Variants in RTTN observed in about 807,000 individuals in gnomAD.
RTTN encodes rotatin.
Under a neutral mutation model 269.2 loss-of-function variants are expected in RTTN, and 182 were observed. The observed-to-expected ratio is 0.68, with a 90% confidence interval of 0.60 to 0.76. The LOEUF is 0.76. RTTN is among the 30% of genes least tolerant of loss of function. The probability of loss-of-function intolerance (pLI) is 0.00; values close to 1 mark genes in which losing one functional copy is unlikely to be tolerated. For synonymous variants in RTTN, 1,006 were observed against 963.5 expected (o/e 1.04, Z -0.82); for missense variants, 2,545 against 2,608.6 (o/e 0.98, Z 0.53).
At chr18:70,038,078 C>T (rs1055833741) in intron 40 of RTTN, among the ~76,000 whole-genome samples, 1 of 152,168 alleles carries the variant, frequency 6.6e-6, no homozygotes, top group Non-Finnish European at 1.5e-5. Context: ...GGTTTGAGTG[C>T]CAGGTTAGTC....
At chr18:70,131,066 C>G (rs894943014) in intron 23 of RTTN, 1 of 149,746 alleles carries the variant, frequency 6.7e-6, no homozygotes, top group Non-Finnish European at 1.5e-5. Context: ...AATGTTCCTA[C>G]AAAAAAATGG....
At chr18:70,180,740 C>T (rs552809408) in intron 10 of RTTN, among the ~76,000 whole-genome samples, 1 of 152,130 alleles carries the variant, frequency 6.6e-6, no homozygotes, top group African/African-American at 2.4e-5. Flanking sequence ...ATGGAGTTTG[C>T]AGGGTCATGA....
At chr18:70,100,628 T>C (rs1177976758) in intron 28 of RTTN, among the ~76,000 whole-genome samples, 1 of 152,176 alleles carries the variant, frequency 6.6e-6, no homozygotes, top group Non-Finnish European at 1.5e-5. Context: ...ATAGGAGTGG[T>C]GAGAGAGGGC....
At chr18:70,012,909 A>G (rs1033171550) in intron 46 of RTTN, among the ~76,000 whole-genome samples, 3 of 152,214 alleles carry the variant, frequency 2.0e-5, no homozygotes, top group Non-Finnish European at 4.4e-5. Flanking sequence ...AATTTTGTCT[A>G]CATAATTCAA....
rs1177150404 is a variant in RTTN at position 70,073,932 on chromosome 18, T to C, written c.4627A>G (p.Ser1543Gly). 3.7e-6 allele frequency: 6 copies of C among 1,611,628 alleles called. No individual in the cohort carries two copies. The African/African-American group carries it at 4.0e-5, about 11-fold the overall frequency. ...GTTGTTTCTGAGGTGGAGAGAGAAC[T>C]TGGATCTCGATCCTGACTTGTCCTA... ...PSRTSQDRDP[S>G]SLSTSETTVA... The change falls in exon 34 of 49, where the codon AGT becomes GGT. Residue 1543 changes from serine to glycine, a missense_variant. Coordinates refer to ENST00000640769, the MANE Select transcript of RTTN (RefSeq NM_173630.4).
chr18:70,055,994 C>G (rs1205751877), intron 37 of RTTN, among the ~76,000 whole-genome samples: 1 of 152,202 alleles, frequency 6.6e-6, no homozygotes, highest in African/African-American at 2.4e-5. Flanking sequence ...CTTCAGGAGG[C>G]CCCTCCCCTT....
chr18:70,028,165 A>C (rs981346816), intron 43 of RTTN, among the ~76,000 whole-genome samples: 1 of 152,240 alleles, frequency 6.6e-6, no homozygotes, highest in Non-Finnish European at 1.5e-5. Context: ...CCTCTATAGT[A>C]GTACTGATAC....
At chr18:70,144,062 T>C (rs939768789) in intron 18 of RTTN, among the ~76,000 whole-genome samples, 1 of 152,046 alleles carries the variant, frequency 6.6e-6, no homozygotes, top group African/African-American at 2.4e-5. Context: ...GGTTTCACCA[T>C]ATTGCCTAGG....
chr18:70,114,741 A>T (rs1022220934), intron 26 of RTTN, 142 bp from the exon 27 acceptor site: 1 of 474,520 alleles, frequency 2.1e-6, no homozygotes, highest in African/African-American at 2.0e-5. Context: ...ATTAGTAGAG[A>T]TGTTCTAAAT....
At chr18:70,116,658 C>T (rs2059609030) in intron 26 of RTTN, among the ~76,000 whole-genome samples, 1 of 152,082 alleles carries the variant, frequency 6.6e-6, no homozygotes, top group Non-Finnish European at 1.5e-5. Context: ...TATTTTGTCA[C>T]TGTTGACCTC....
intron 10 of RTTN, among the ~76,000 whole-genome samples, chr18:70,178,507 C>A (rs2061353537): frequency 6.6e-6 from 1 of 151,930 alleles, no homozygotes; most frequent in Admixed American, 6.6e-5. Flanking sequence ...AATGTCACTG[C>A]AGAAGTAAAA....
chr18:70,163,087 A>AAC (rs2060888113), intron 14 of RTTN, among the ~76,000 whole-genome samples: 1 of 146,680 alleles, frequency 6.8e-6, no homozygotes, highest in South Asian at 2.2e-4. Flanking sequence ...AAAAAAAAAA[A>AAC]AAAAAAAAAA....
chr18:70,167,511 CAGG>C (rs2061020225), intron 12 of RTTN, among the ~76,000 whole-genome samples: 1 of 152,092 alleles, frequency 6.6e-6, no homozygotes, highest in African/African-American at 2.4e-5. Context: ...CACTTGAGGT[CAGG>C]AGTTCAAGAC....
At chr18:70,194,043 A>C (rs1410195320) in intron 7 of RTTN, 1 of 152,244 alleles carries the variant, frequency 6.6e-6, no homozygotes, top group Non-Finnish European at 1.5e-5. Context: ...ATATCTGATA[A>C]GGGTTTAATT....
intron 10 of RTTN, among the ~76,000 whole-genome samples, chr18:70,180,113 C>T (rs1013814442): frequency 4.0e-5 from 6 of 148,816 alleles, no homozygotes; most frequent in Admixed American, 6.6e-5. Context: ...TCTCACGCTC[C>T]GCCAGATTAA....
At chr18:70,177,037 C>G (rs2061320326) in intron 10 of RTTN, among the ~76,000 whole-genome samples, 192 bp from the exon 11 acceptor site, 1 of 152,084 alleles carries the variant, frequency 6.6e-6, no homozygotes, top group Non-Finnish European at 1.5e-5. Flanking sequence ...GAATGATAAA[C>G]CACCTACATT....
intron 46 of RTTN, chr18:70,008,633 C>T (rs1488612123): frequency 1.3e-5 from 2 of 150,068 alleles, no homozygotes; most frequent in African/African-American, 2.5e-5. Flanking sequence ...ATAGCGAAAT[C>T]GATCAAGCAG....
At position 70,109,701 on chromosome 18, in the gene RTTN, G is replaced by C. The variant is rs1568396464; in HGVS notation, c.3700C>G (p.Leu1234Val). 1.2e-6 allele frequency: 2 copies of C among 1,613,998 alleles called. No homozygotes were observed. The highest frequency in any genetic ancestry group is 2.2e-5 in the East Asian group (1 of 44,872). ...EVTDRKCSEL[L>V]YVFQTQLALK... is the part of the protein sequence containing the mutation. ...GCCAGCTGCGTTTGAAAAACGTAAAGAAGTTCCGAGCATTTCCTATGTATG... is the reference window on the plus strand; with the variant it reads ...GCCAGCTGCGTTTGAAAAACGTAAACAAGTTCCGAGCATTTCCTATGTATG... Residue 1234 changes from leucine to valine, a missense_variant, in exon 28 of 49, where the codon CTT becomes GTT. Coordinates refer to ENST00000640769, the MANE Select transcript of RTTN (RefSeq NM_173630.4).
chr18:70,008,108 G>A (rs1287386946), intron 46 of RTTN: 4 of 152,638 alleles, frequency 2.6e-5, no homozygotes, highest in African/African-American at 9.7e-5. Context: ...GTGATACCCA[G>A]GCAAACAGGG....
Sources: gnomAD v4.1 joint callset for allele counts (sites outside exome capture counted in the v4.1 genomes callset) on GRCh38, gnomAD v4.1.1 for gene constraint, MANE v1.5 for transcripts, NCBI Gene and HGNC (gene_info 2026-07-23, HGNC 2026-07-21) for gene names.